Variants in SYNPO2 observed in about 807,000 individuals in gnomAD.
SYNPO2 encodes synaptopodin-2.
Under a neutral mutation model 85.0 loss-of-function variants are expected in SYNPO2, and 56 were observed. The observed-to-expected ratio is 0.66, with a 90% CI of 0.53 to 0.82. The LOEUF is 0.82. SYNPO2 is among the 40% of genes least tolerant of loss of function. SYNPO2 has a pLI of 0.00. For synonymous variants in SYNPO2, 602 were observed against 591.1 expected (o/e 1.02, Z -0.27); for missense variants, 1,575 against 1,534.2 (o/e 1.03, Z -0.44).
chr4:119,028,603 AT>A (rs994914272), intron 3 of SYNPO2, among the ~76,000 whole-genome samples: 5 of 152,176 alleles, frequency 3.3e-5, no homozygotes, highest in Non-Finnish European at 7.4e-5. Context: ...AAGGAATTCT[AT>A]TTAGTAATAA....
At chr4:118,857,494 A>G (rs1198283380) in intron 1 of SYNPO2, among the ~76,000 whole-genome samples, 1 of 152,230 alleles carries the variant, frequency 6.6e-6, no homozygotes, top group Non-Finnish European at 1.5e-5. Flanking sequence ...ATTTGTCAGG[A>G]AAAGCCTTTG....
intron 1 of SYNPO2, among the ~76,000 whole-genome samples, chr4:118,949,625 T>A (rs938879258): frequency 6.6e-6 from 1 of 150,558 alleles, no homozygotes; most frequent in African/African-American, 2.4e-5. Context: ...GACACATGCC[T>A]ATAATCCCAG....
intron 1 of SYNPO2, among the ~76,000 whole-genome samples, chr4:118,894,537 C>T (rs1018939139): frequency 1.0e-4 from 15 of 143,468 alleles, no homozygotes; most frequent in East Asian, 4.1e-4. Flanking sequence ...AGTGGGTGGA[C>T]GTGTTGGGGG....
At chr4:119,012,004 C>T (rs961575437) in intron 1 of SYNPO2, among the ~76,000 whole-genome samples, 9 of 144,830 alleles carry the variant, frequency 6.2e-5, no homozygotes, top group Non-Finnish European at 9.0e-5. Context: ...CTCACTGCAA[C>T]CTCCACATCC....
At chr4:118,910,933 T>C (rs1458386310) in intron 1 of SYNPO2, among the ~76,000 whole-genome samples, 2 of 152,228 alleles carry the variant, frequency 1.3e-5, no homozygotes, top group African/African-American at 2.4e-5. Context: ...CAATGCCTTG[T>C]GCTGTCAATG....
intron 1 of SYNPO2, among the ~76,000 whole-genome samples, chr4:118,987,718 TC>T (rs1279175949): frequency 6.6e-6 from 1 of 152,094 alleles, no homozygotes; most frequent in Non-Finnish European, 1.5e-5. Context: ...TACTGATGCA[TC>T]TGAAAGTAGA....
chr4:118,923,081 A>G (rs1733592223), intron 1 of SYNPO2, among the ~76,000 whole-genome samples: 1 of 152,174 alleles, frequency 6.6e-6, no homozygotes, highest in Admixed American at 6.5e-5. Context: ...TCTCTGCCAT[A>G]CACACAACAC....
chr4:118,850,692 G>T, exon 1 of SYNPO2: 1 of 398,658 alleles, frequency 2.5e-6, no homozygotes. Flanking sequence ...CTTTCAATTT[G>T]TTGCCTTCAA....
At chr4:119,027,659 A>T (rs1738030873) in intron 3 of SYNPO2, among the ~76,000 whole-genome samples, 2 of 152,226 alleles carry the variant, frequency 1.3e-5, no homozygotes, top group African/African-American at 4.8e-5. Context: ...AACATTTTTC[A>T]TGAATTTCTT....
At chr4:118,917,893 A>G (rs558095086) in intron 1 of SYNPO2, among the ~76,000 whole-genome samples, 1 of 152,344 alleles carries the variant, frequency 6.6e-6, no homozygotes, top group South Asian at 2.1e-4. Flanking sequence ...ATTGCAAAAT[A>G]TTGGAAAAAT....
At chr4:118,870,047 A>G (rs543326336) in intron 1 of SYNPO2, among the ~76,000 whole-genome samples, 65 of 152,224 alleles carry the variant, frequency 4.3e-4, no homozygotes, top group Non-Finnish European at 8.4e-4. Flanking sequence ...TGGCAGACTC[A>G]GGCCTAATTC....
intron 1 of SYNPO2, among the ~76,000 whole-genome samples, chr4:118,867,598 G>A (rs566378100): frequency 1.3e-4 from 20 of 151,778 alleles, no homozygotes; most frequent in African/African-American, 2.7e-4. Flanking sequence ...CATGCCTACC[G>A]ATTTAAAAAA....
At chr4:118,865,705 A>G (rs1472675139) in intron 1 of SYNPO2, among the ~76,000 whole-genome samples, 1 of 152,186 alleles carries the variant, frequency 6.6e-6, no homozygotes, top group East Asian at 1.9e-4. Flanking sequence ...AACAGGAGGA[A>G]GGAGGGAGAT....
chr4:118,965,225 G>A (rs1735265631), intron 1 of SYNPO2, among the ~76,000 whole-genome samples: 1 of 152,076 alleles, frequency 6.6e-6, no homozygotes, highest in African/African-American at 2.4e-5. Flanking sequence ...GGAGAGCACA[G>A]CAATAAACTT....
rs772817419 is a variant in SYNPO2 at position 119,057,602 on chromosome 4, A to G, written c.3454A>G (p.Ile1152Val). 6.8e-6 allele frequency: 11 copies of G among 1,614,074 alleles called. No individual in the cohort carries two copies. In the Admixed American group the frequency reaches 1.7e-4, roughly 24 times the overall value. The change falls in exon 5 of 5, where the codon ATC (isoleucine) becomes GTC (valine). Residue 1152 changes from isoleucine to valine, a missense_variant. By Grantham distance (29) the Ile-to-Val change is conservative. Transcript: ENST00000307142. ...LVDDAFQPRN[I>V]QESIVANVVS... ...GGATGATGCTTTCCAACCCAGAAAC[A>G]TCCAGGAATCCATTGTGGCAAATGT...
chr4:118,934,869 T>C (rs1734048582), intron 1 of SYNPO2, among the ~76,000 whole-genome samples: 2 of 152,240 alleles, frequency 1.3e-5, no homozygotes, highest in African/African-American at 4.8e-5. Flanking sequence ...GCCTGTCTTA[T>C]ATTGAACATA....
chr4:119,029,877 C>G lies in SYNPO2; in HGVS notation c.1102C>G (p.Gln368Glu). 1 of 1,593,040 alleles carries G rather than the reference C, an allele frequency of 6.3e-7. No individual in the cohort carries two copies. Among genetic ancestry groups the G allele is most frequent in the South Asian group, 1.1e-5 (1 of 89,294 alleles). ...GAGGAGTGAAAGCCTGTCAGAAAAACAAGTGAAGGAAGCAAAATCTAAATG... is the reference window on the plus strand; with the variant it reads ...GAGGAGTGAAAGCCTGTCAGAAAAAGAAGTGAAGGAAGCAAAATCTAAATG... ...LRRSESLSEKQVKEAKSKCKS... is the reference protein window; with the variant it reads ...LRRSESLSEKEVKEAKSKCKS... The change falls in exon 4 of 5, where the codon CAA (glutamine) becomes GAA (glutamate). Residue 368 changes from glutamine (Q) to glutamate (E), a missense_variant. Coordinates refer to ENST00000307142, the MANE Select transcript of SYNPO2 (RefSeq NM_133477.3).
At position 119,031,597 on chromosome 4, in the gene SYNPO2, A is replaced by G. The variant is rs1738267589; in HGVS notation, c.2822A>G (p.Gln941Arg). Residue 941 changes from glutamine (Q) to arginine (R), a missense_variant, in exon 4 of 5, where the codon CAG becomes CGG. Physicochemically the swap from Gln to Arg is conservative, Grantham distance 43. Transcript: ENST00000307142. ...TACCCACTGGCTGCTCTCAAGTCTC[A>G]GCCATCAGCTGCACAGCCCTCCAAA... is the stretch of plus-strand genomic sequence containing the variant. The part of the protein sequence containing the change: ...PSYPLAALKS[Q>R]PSAAQPSKMG... 6.2e-7 allele frequency: 1 copy of G among 1,614,026 alleles called. No individual in the cohort carries two copies. The highest frequency in any genetic ancestry group is 1.7e-5 in the Admixed American group (1 of 59,998).
chr4:118,876,293 G>A (rs1005764326), intron 1 of SYNPO2, among the ~76,000 whole-genome samples: 1 of 152,148 alleles, frequency 6.6e-6, no homozygotes, highest in Non-Finnish European at 1.5e-5. Flanking sequence ...CACTCTTCCT[G>A]CTTTTCAAGT....
Sources: allele counts gnomAD v4.1 joint callset (sites outside exome capture counted in the v4.1 genomes callset), GRCh38; gene constraint gnomAD v4.1.1; transcripts MANE v1.5; gene names NCBI Gene and HGNC (gene_info 2026-07-23, HGNC 2026-07-21).